Variants in DLGAP2 observed in about 807,000 individuals in gnomAD.
The protein encoded by DLGAP2 is DLG associated protein 2, also known as disks large-associated protein 2.
Under a neutral mutation model 100.3 loss-of-function variants are expected in DLGAP2, and 26 were observed. The observed-to-expected ratio is 0.26, with a 90% CI of 0.19 to 0.36. The LOEUF (loss-of-function observed/expected upper bound fraction) is 0.36, where lower values mean the gene tolerates loss of function less well. Among genes scored for constraint, DLGAP2 ranks in the 10% least tolerant of loss-of-function variants. The probability of loss-of-function intolerance (pLI) is 1.00; values close to 1 mark genes in which losing one functional copy is unlikely to be tolerated. For missense variants in DLGAP2, 1,858 were observed against 1,453.2 expected (o/e 1.28, Z -4.53); for synonymous variants, 886 against 630.1 (o/e 1.41, Z -6.08).
intron 2 of DLGAP2, among the ~76,000 whole-genome samples, chr8:1,233,526 G>T (rs1014806158): frequency 2.6e-5 from 4 of 152,222 alleles, no homozygotes; most frequent in African/African-American, 9.6e-5. Context: ...CTGGAGCCCT[G>T]TGATGTGAGA....
chr8:1,376,684 CGG>C (rs1563114535), intron 3 of DLGAP2, among the ~76,000 whole-genome samples: 4 of 124,318 alleles, frequency 3.2e-5, no homozygotes, highest in Non-Finnish European at 5.1e-5. Flanking sequence ...TGGTCATCGG[CGG>C]ATGGCGGGGA....
chr8:1,021,916 C>T (rs73176535), intron 2 of DLGAP2, among the ~76,000 whole-genome samples: 44,908 of 152,108 alleles, frequency 0.3, 7,783 homozygotes, highest in Admixed American at 0.38. Context: ...CCCCCCACTT[C>T]CTGGGAGCAT....
At chr8:1,421,571 A>T (rs138940658) in intron 3 of DLGAP2, among the ~76,000 whole-genome samples, 5 of 152,344 alleles carry the variant, frequency 3.3e-5, no homozygotes, top group African/African-American at 4.8e-5. Flanking sequence ...TATGAATATT[A>T]TGAAAGTTAT....
chr8:1,102,240 C>G, intron 2 of DLGAP2, among the ~76,000 whole-genome samples: 1 of 146,600 alleles, frequency 6.8e-6, no homozygotes, highest in Non-Finnish European at 1.5e-5. Context: ...CAAGCTTTTA[C>G]TGATTAATAT....
chr8:1,220,001 C>G (rs1798285851), intron 2 of DLGAP2, among the ~76,000 whole-genome samples: 2 of 151,944 alleles, frequency 1.3e-5, no homozygotes, highest in South Asian at 4.2e-4. Flanking sequence ...GATCTTCTCT[C>G]TGTTTAAACT....
chr8:947,851 C>G (rs995414245), intron 2 of DLGAP2, among the ~76,000 whole-genome samples: 6 of 150,406 alleles, frequency 4.0e-5, no homozygotes, highest in Non-Finnish European at 7.4e-5. Context: ...CGTGCCAGCC[C>G]ATGTGTGCCA....
chr8:1,155,152 CG>C (rs1796758094), intron 2 of DLGAP2, among the ~76,000 whole-genome samples: 1 of 152,204 alleles, frequency 6.6e-6, no homozygotes, highest in Non-Finnish European at 1.5e-5. Context: ...AGCGGCTGGC[CG>C]GGTCCCGTGT....
intron 3 of DLGAP2, among the ~76,000 whole-genome samples, chr8:1,367,947 G>C (rs1221056405): frequency 6.6e-6 from 1 of 152,170 alleles, no homozygotes; most frequent in East Asian, 1.9e-4. Context: ...TTAGTGCCTG[G>C]CATGGAGCCA....
chr8:856,359 T>C (rs939818162), intron 1 of DLGAP2, among the ~76,000 whole-genome samples: 8 of 152,056 alleles, frequency 5.3e-5, no homozygotes, highest in African/African-American at 1.9e-4. Context: ...TGGCTAATTT[T>C]GTATTTTTGG....
At chr8:1,335,948 G>A (rs1353567901) in intron 3 of DLGAP2, among the ~76,000 whole-genome samples, 1 of 152,126 alleles carries the variant, frequency 6.6e-6, no homozygotes, top group Admixed American at 6.5e-5. Context: ...GACGCGGGAG[G>A]CATCAGGGCC....
intron 8 of DLGAP2, among the ~76,000 whole-genome samples, chr8:1,642,246 G>C (rs77641770): frequency 4.6e-4 from 5 of 10,784 alleles, no homozygotes; most frequent in African/African-American, 1.6e-3. Flanking sequence ...TGTCACCCTC[G>C]ACCCCGCCGG....
chr8:1,181,395 A>G (rs557647182), intron 2 of DLGAP2, among the ~76,000 whole-genome samples: 2 of 152,190 alleles, frequency 1.3e-5, no homozygotes, highest in Non-Finnish European at 2.9e-5. Context: ...ATTGCTAAGG[A>G]TAATGGCCTC....
chr8:1,212,764 C>T (rs539221148), intron 2 of DLGAP2, among the ~76,000 whole-genome samples: 19 of 128,692 alleles, frequency 1.5e-4, no homozygotes, highest in Non-Finnish European at 2.7e-4. Flanking sequence ...TCTCTCTTCC[C>T]CCCCGCCCAC....
chr8:1,126,721 T>C (rs1287527387), intron 2 of DLGAP2, among the ~76,000 whole-genome samples: 1 of 152,088 alleles, frequency 6.6e-6, no homozygotes, highest in African/African-American at 2.4e-5. Context: ...AGAATGTCTT[T>C]TGGAAAGAAC....
intron 12 of DLGAP2, among the ~76,000 whole-genome samples, chr8:1,682,748 A>G (rs1318838644): frequency 6.6e-6 from 1 of 151,598 alleles, no homozygotes; most frequent in Non-Finnish European, 1.5e-5. Context: ...TGCTAGGATT[A>G]CAGGTATGAA....
chr8:750,031 C>T (rs1232531156), intron 1 of DLGAP2, among the ~76,000 whole-genome samples: 3 of 152,246 alleles, frequency 2.0e-5, no homozygotes, highest in Non-Finnish European at 4.4e-5. Context: ...AGGGCCCACT[C>T]AGAAAGCCCC....
intron 1 of DLGAP2, among the ~76,000 whole-genome samples, chr8:901,735 C>G (rs1455388314): frequency 6.6e-6 from 1 of 152,206 alleles, no homozygotes; most frequent in Non-Finnish European, 1.5e-5. Flanking sequence ...CGGGGCGTCC[C>G]CATTGCCCCA....
chr8:1,043,338 T>G (rs1802425541), intron 2 of DLGAP2, among the ~76,000 whole-genome samples: 1 of 131,566 alleles, frequency 7.6e-6, no homozygotes, highest in South Asian at 2.6e-4. Context: ...TGGGTGTGGG[T>G]GGTGGGTGTG....
chr8:761,727 C>T (rs78833994), intron 1 of DLGAP2, among the ~76,000 whole-genome samples: 19,286 of 152,162 alleles, frequency 0.13, 1,627 homozygotes, highest in East Asian at 0.43. Flanking sequence ...GCCCGAAACG[C>T]GGAGCCAGCT....
Sources: allele counts gnomAD v4.1 joint callset (sites outside exome capture counted in the v4.1 genomes callset), GRCh38; gene constraint gnomAD v4.1.1; transcripts MANE v1.5; gene names NCBI Gene and HGNC (gene_info 2026-07-23, HGNC 2026-07-21).